Variants in NRXN1 observed in about 807,000 individuals in gnomAD.
NRXN1 encodes the protein neurexin-1.
A neutral mutation model predicts 150.9 loss-of-function variants in NRXN1; 39 were observed. The ratio of observed to expected loss-of-function variants is 0.26; its 90% confidence interval spans 0.20 to 0.34. The LOEUF is 0.34. Among genes scored for constraint, NRXN1 ranks in the 10% least tolerant of loss-of-function variants. The probability of loss-of-function intolerance (pLI) is 1.00; values close to 1 mark genes in which losing one functional copy is unlikely to be tolerated. For missense variants in NRXN1, 1,815 were observed against 1,949.9 expected (o/e 0.93, Z 1.30); for synonymous variants, 924 against 757.0 (o/e 1.22, Z -3.62).
chr2:50,113,536 G>C (rs1463978224), intron 18 of NRXN1, among the ~76,000 whole-genome samples: 2 of 152,152 alleles, frequency 1.3e-5, no homozygotes, highest in Non-Finnish European at 1.5e-5. Context: ...GTAGGAAAAG[G>C]ATTAACCATA....
Position 50,211,283 on chromosome 2 carries a change from A to G in NRXN1, c.3546+25506T>C, listed in dbSNP as rs547626652. Among the ~76,000 whole-genome samples the G allele has an allele frequency of 2.0e-5, 3 of 151,856 alleles. No individual in the cohort carries two copies. The South Asian group carries it at 6.2e-4, about 31-fold the overall frequency. ...AAAACACACATGCACACATACATAT[A>G]CACATATACATATGTTATATTTATA... On this transcript the variant is annotated intron_variant, in intron 18 of 22. Transcript: ENST00000401669.
intron 18 of NRXN1, among the ~76,000 whole-genome samples, chr2:50,163,521 C>T (rs1301663699): frequency 1.3e-5 from 2 of 152,068 alleles, no homozygotes; most frequent in African/African-American, 4.8e-5. Context: ...GCCTTCTTGG[C>T]CAATGTGCTT....
At position 50,712,975 on chromosome 2, in the gene NRXN1, T is replaced by C. The variant is rs1203336532; in HGVS notation, c.833-89360A>G. ...ACATATTTTGTTTCCCAGTTTAAAA[T>C]TGTGGTTTCATATCTTTTGTGCTTG... On this transcript the variant is annotated intron_variant, in intron 5 of 22. Coordinates refer to ENST00000401669, the MANE Select transcript of NRXN1 (RefSeq NM_001330078.2). Among the ~76,000 whole-genome samples the C allele has an allele frequency of 3.3e-5, 5 of 152,192 alleles. 1 individual carries two copies. The highest frequency in any genetic ancestry group is 3.3e-4 in the Admixed American group (5 of 15,274).
intron 5 of NRXN1, among the ~76,000 whole-genome samples, chr2:50,857,432 A>G (rs927551463): frequency 2.0e-5 from 3 of 151,684 alleles, no homozygotes; most frequent in Non-Finnish European, 4.4e-5. Context: ...ATTAGCTTCC[A>G]CCCCTTTCCT....
At chr2:50,795,858 T>C (rs981419930) in intron 5 of NRXN1, among the ~76,000 whole-genome samples, 2 of 152,042 alleles carry the variant, frequency 1.3e-5, no homozygotes, top group African/African-American at 4.8e-5. Flanking sequence ...TTCCTTTTTA[T>C]AACAATGCCT....
chr2:50,707,061 T>C (rs1273330852), intron 5 of NRXN1, among the ~76,000 whole-genome samples: 1 of 152,204 alleles, frequency 6.6e-6, no homozygotes, highest in Non-Finnish European at 1.5e-5. Context: ...CTGTAATGAT[T>C]CTGGTCATAC....
chr2:50,000,806 G>T (rs1683791576), intron 21 of NRXN1, among the ~76,000 whole-genome samples: 2 of 152,114 alleles, frequency 1.3e-5, no homozygotes, highest in African/African-American at 4.8e-5. Context: ...TGAGAAATCT[G>T]AGCATAAAAC....
intron 21 of NRXN1, among the ~76,000 whole-genome samples, chr2:50,030,920 C>T (rs1689082146): frequency 6.6e-6 from 1 of 151,932 alleles, no homozygotes. Flanking sequence ...ATTGTAAGCT[C>T]CCTATGGCAC....
intron 5 of NRXN1, among the ~76,000 whole-genome samples, chr2:50,818,395 G>A (rs76772760): frequency 0.082 from 12,447 of 151,728 alleles, 621 homozygotes; most frequent in Middle Eastern, 0.15. Context: ...CCTTGGGTAA[G>A]TTTATCACTA....
intron 17 of NRXN1, among the ~76,000 whole-genome samples, chr2:50,416,033 T>C (rs1035060508): frequency 4.0e-5 from 6 of 151,564 alleles, no homozygotes; most frequent in African/African-American, 1.2e-4. Context: ...ACCTCCTATA[T>C]GGTAGCCCTA....
chr2:50,211,570 A>G (rs1574513113), intron 18 of NRXN1, among the ~76,000 whole-genome samples: 1 of 151,708 alleles, frequency 6.6e-6, no homozygotes, highest in East Asian at 1.9e-4. Context: ...TGACGATTCA[A>G]TAATCAAATA....
At chr2:50,607,591 C>A (rs1320929628) in intron 8 of NRXN1, among the ~76,000 whole-genome samples, 1 of 152,038 alleles carries the variant, frequency 6.6e-6, no homozygotes, top group East Asian at 1.9e-4. Flanking sequence ...CTTATATAAA[C>A]CATGGCCTAA....
intron 5 of NRXN1, among the ~76,000 whole-genome samples, chr2:50,725,824 A>G (rs1007219814): frequency 6.6e-6 from 1 of 152,240 alleles, no homozygotes; most frequent in Non-Finnish European, 1.5e-5. Flanking sequence ...ATCAAGTCTC[A>G]TACAGACCTA....
At chr2:50,518,475 G>T (rs1224104436) in intron 12 of NRXN1, among the ~76,000 whole-genome samples, 1 of 151,554 alleles carries the variant, frequency 6.6e-6, no homozygotes, top group African/African-American at 2.4e-5. Context: ...TAAAGAAAAG[G>T]GTTATACTGA....
Position 50,772,441 on chromosome 2 carries a change from T to A in NRXN1, c.833-148826A>T, listed in dbSNP as rs559741000. Among the ~76,000 whole-genome samples the A allele has an allele frequency of 1.3e-3, 202 of 150,586 alleles. 1 individual carries two copies. Among genetic ancestry groups the A allele is most frequent in the African/African-American group, 4.8e-3 (196 of 41,052 alleles). On this transcript the variant is annotated intron_variant, in intron 5 of 22. Coordinates refer to ENST00000401669, the MANE Select transcript of NRXN1 (RefSeq NM_001330078.2). Reference sequence around the variant, plus strand: ...GCCTTTCTTAAAAAAAAATCAAACATAAAAGTAAACTTAAAAGTCAGGAAA... The same window carrying A: ...GCCTTTCTTAAAAAAAAATCAAACAAAAAAGTAAACTTAAAAGTCAGGAAA...
chr2:50,758,991 T>A lies in NRXN1; in HGVS notation c.833-135376A>T, dbSNP rs146511992. On this transcript the variant is annotated intron_variant, in intron 5 of 22. Transcript: ENST00000401669. Reference sequence around the variant, plus strand: ...GTATCAGAAACCTGTGCACAAGAGTTTGTATTAGAGTTGTTTATTAACATG... The same window carrying A: ...GTATCAGAAACCTGTGCACAAGAGTATGTATTAGAGTTGTTTATTAACATG... Among the ~76,000 whole-genome samples the A allele has an allele frequency of 1.3e-4, 20 of 152,052 alleles. No individual in the cohort carries two copies. In the East Asian group the frequency reaches 3.5e-3, roughly 27 times the overall value.
chr2:50,069,852 T>TTTG (rs1298088771), intron 19 of NRXN1, among the ~76,000 whole-genome samples: 40 of 61,108 alleles, frequency 6.5e-4, no homozygotes, highest in African/African-American at 3.8e-3. Context: ...TGGGGGTTTT[T>TTTG]TTTTTTTTTT....
At chr2:50,096,039 G>C (rs969933831) in intron 18 of NRXN1, among the ~76,000 whole-genome samples, 1 of 148,828 alleles carries the variant, frequency 6.7e-6, no homozygotes, top group Non-Finnish European at 1.5e-5. Flanking sequence ...TCTTCTTGGA[G>C]ATGTTCAGTT....
intron 17 of NRXN1, among the ~76,000 whole-genome samples, chr2:50,388,590 C>G (rs2081478416): frequency 6.6e-6 from 1 of 152,130 alleles, no homozygotes; most frequent in South Asian, 2.1e-4. Flanking sequence ...GGCAGTAACT[C>G]TAAAATTGGG....
Sources: gnomAD v4.1 joint callset for allele counts (sites outside exome capture counted in the v4.1 genomes callset) on GRCh38, gnomAD v4.1.1 for gene constraint, MANE v1.5 for transcripts, NCBI Gene and HGNC (gene_info 2026-07-23, HGNC 2026-07-21) for gene names.